Variants in TFAP2D observed in about 807,000 individuals in gnomAD.
The protein encoded by TFAP2D is transcription factor AP-2-delta.
In TFAP2D, 9 loss-of-function variants were observed where a neutral mutation model predicts 43.6. The ratio of observed to expected loss-of-function variants is 0.21; its 90% CI spans 0.12 to 0.36. TFAP2D has a LOEUF of 0.36. TFAP2D is among the 10% of genes least tolerant of loss of function. TFAP2D has a pLI of 1.00. For synonymous variants in TFAP2D, 256 were observed against 224.9 expected (o/e 1.14, Z -1.24); for missense variants, 513 against 561.4 (o/e 0.91, Z 0.87).
At chr6:50,765,895 T>G (rs1008791349) in intron 7 of TFAP2D, among the ~76,000 whole-genome samples, 1 of 152,154 alleles carries the variant, frequency 6.6e-6, no homozygotes, top group Non-Finnish European at 1.5e-5. Context: ...CTATTTTTGG[T>G]TTTGTTGCCT....
intron 6 of TFAP2D, among the ~76,000 whole-genome samples, chr6:50,747,186 A>G (rs770333288): frequency 6.6e-6 from 1 of 152,100 alleles, no homozygotes; most frequent in African/African-American, 2.4e-5. Context: ...CTTATTGACT[A>G]AATTTTTTTT....
intron 2 of TFAP2D, among the ~76,000 whole-genome samples, chr6:50,718,805 T>C (rs1432192348): frequency 6.6e-6 from 1 of 152,250 alleles, no homozygotes; most frequent in Non-Finnish European, 1.5e-5. Flanking sequence ...AAAGGGCTTC[T>C]CATTCTCTTA....
chr6:50,741,080 G>A (rs1769037720), intron 5 of TFAP2D, among the ~76,000 whole-genome samples: 1 of 151,722 alleles, frequency 6.6e-6, no homozygotes, highest in African/African-American at 2.4e-5. Flanking sequence ...TTTAATATAA[G>A]TATTAAATAT....
At position 50,751,359 on chromosome 6, in the gene TFAP2D, A is replaced by C. The variant is rs1166473742; in HGVS notation, c.1139+35A>C. On this transcript the variant is annotated intron_variant, in intron 7 of 7. Transcript: ENST00000008391. ...GTTTTCCAGTTTGCTCAAATTCTTT[A>C]CTAACCCAGATGCTTGTATTCCTAT... is the stretch of plus-strand genomic sequence containing the variant. 2.9e-6 allele frequency: 4 copies of C among 1,397,612 alleles called. No individual in the cohort carries two copies. In the South Asian group the frequency reaches 4.6e-5, roughly 16 times the overall value. 86.6% of individuals were successfully genotyped at this position (1,397,612 alleles called of 1,614,324 possible).
chr6:50,763,309 A>G (rs1769391599), intron 7 of TFAP2D, among the ~76,000 whole-genome samples: 4 of 152,150 alleles, frequency 2.6e-5, no homozygotes, highest in Admixed American at 1.3e-4. Context: ...GCACTCCACA[A>G]GAGACATCTT....
At chr6:50,756,140 G>A (rs147686055) in intron 7 of TFAP2D, among the ~76,000 whole-genome samples, 171 of 152,162 alleles carry the variant, frequency 1.1e-3, no homozygotes, top group African/African-American at 3.9e-3. Context: ...TGGATTACAG[G>A]CATGTGAGCA....
At chr6:50,734,476 T>C (rs1267425485) in intron 5 of TFAP2D, among the ~76,000 whole-genome samples, 3 of 152,082 alleles carry the variant, frequency 2.0e-5, no homozygotes, top group African/African-American at 7.2e-5. Context: ...CTGATGTGAA[T>C]GTTCATTATC....
intron 3 of TFAP2D, among the ~76,000 whole-genome samples, chr6:50,722,232 G>A (rs1768737537): frequency 6.6e-6 from 1 of 152,186 alleles, no homozygotes; most frequent in Admixed American, 6.5e-5. Context: ...TTTGCCCGCA[G>A]CTCCGGCTCT....
At chr6:50,719,042 CAT>C in intron 2 of TFAP2D, 46 bp from the exon 3 acceptor site, 1 of 1,570,418 alleles carries the variant, frequency 6.4e-7, no homozygotes, top group Non-Finnish European at 8.7e-7. Flanking sequence ...CGTGGTCATG[CAT>C]ATGAGTATCC....
intron 2 of TFAP2D, 26 bp from the exon 3 acceptor site, chr6:50,719,064 A>G: frequency 6.2e-7 from 1 of 1,611,492 alleles, no homozygotes; most frequent in Non-Finnish European, 8.5e-7. Context: ...CATTTAAGTA[A>G]TTTTATTTCT....
At chr6:50,747,624 C>T (rs1267268591) in intron 6 of TFAP2D, among the ~76,000 whole-genome samples, 1 of 152,038 alleles carries the variant, frequency 6.6e-6, no homozygotes, top group East Asian at 1.9e-4. Flanking sequence ...AATACAATTC[C>T]TATTTTCTTG....
At chr6:50,735,404 T>A (rs1768948505) in intron 5 of TFAP2D, among the ~76,000 whole-genome samples, 1 of 152,120 alleles carries the variant, frequency 6.6e-6, no homozygotes. Flanking sequence ...AGATTGGTCC[T>A]CCCCTCCTGC....
chr6:50,739,606 C>T lies in TFAP2D; in HGVS notation c.884-5501C>T, dbSNP rs148635413. Among the ~76,000 whole-genome samples, 47 of 152,220 alleles carry T rather than the reference C, an allele frequency of 3.1e-4. 1 individual carries two copies. The South Asian group carries it at 6.4e-3, about 21-fold the overall frequency. The stretch of plus-strand genomic sequence containing the variant: ...TATAGTCTATTTTATTAAATGGCTC[C>T]ACTGATAGAGGGATATACTCTATTT... On this transcript the variant is annotated intron_variant, in intron 5 of 7. Transcript: ENST00000008391.
At chr6:50,772,521 C>A in intron 7 of TFAP2D, 124 bp from the exon 8 acceptor site, 1 of 824,022 alleles carries the variant, frequency 1.2e-6, no homozygotes, top group South Asian at 1.7e-5. Context: ...CAATGCTTAG[C>A]ATCATTTAGG....
chr6:50,738,715 C>G (rs771516821), intron 5 of TFAP2D, among the ~76,000 whole-genome samples: 4 of 152,170 alleles, frequency 2.6e-5, no homozygotes, highest in Non-Finnish European at 4.4e-5. Flanking sequence ...ATATGCTTTT[C>G]CAATAGGCTG....
chr6:50,715,347 T>C lies in TFAP2D; in HGVS notation c.271T>C (p.Ser91Pro). The change falls in exon 2 of 8, where the codon TCT (serine) becomes CCT (proline). Residue 91 changes from serine (S) to proline (P), a missense_variant. Ser to Pro is a moderately conservative substitution (Grantham distance 74). Around this residue, in one of 3 missense-constraint regions of TFAP2D, gnomAD observed 311 missense variants for 316.2 expected, o/e 0.98. Transcript: ENST00000008391. ...SHPAVTPDAY[S>P]LNSLHHSQQY... The stretch of plus-strand genomic sequence containing the variant: ...CCCGGCCGTCACCCCCGACGCCTAC[T>C]CTCTGAACTCTCTCCACCACTCGCA... 6.2e-7 allele frequency: 1 copy of C among 1,614,098 alleles called. No individual in the cohort carries two copies. Among genetic ancestry groups the C allele is most frequent in the Non-Finnish European group, 8.5e-7 (1 of 1,180,026 alleles).
chr6:50,742,335 G>C (rs1466484040), intron 5 of TFAP2D, among the ~76,000 whole-genome samples: 6 of 152,008 alleles, frequency 3.9e-5, no homozygotes, highest in African/African-American at 1.4e-4. Context: ...CTGGCTGTCA[G>C]TGTAAATGTA....
chr6:50,744,684 TG>T (rs920269856), intron 5 of TFAP2D, among the ~76,000 whole-genome samples: 4 of 152,232 alleles, frequency 2.6e-5, no homozygotes, highest in African/African-American at 9.6e-5. Flanking sequence ...ATAGGTCTCA[TG>T]GAAAAAACAT....
At chr6:50,724,016 A>G (rs1768769756) in intron 3 of TFAP2D, among the ~76,000 whole-genome samples, 1 of 152,022 alleles carries the variant, frequency 6.6e-6, no homozygotes, top group Admixed American at 6.6e-5. Flanking sequence ...TTCGCTCCTT[A>G]CACATCATCA....
Sources: allele counts gnomAD v4.1 joint callset (sites outside exome capture counted in the v4.1 genomes callset), GRCh38; gene constraint gnomAD v4.1.1; regional missense constraint gnomAD v4.1.1; transcripts MANE v1.5; gene names NCBI Gene and HGNC (gene_info 2026-07-23, HGNC 2026-07-21).